The following DRC4 variants were observed in gnomAD, a reference collection of about 807,000 sequenced individuals.
DRC4 encodes dynein regulatory complex subunit 4, also known as GAS-11.
the DRC4 span, chr16:90,044,267 C>G: frequency 2.2e-6 from 1 of 445,242 alleles, no homozygotes; most frequent in Non-Finnish European, 4.5e-6. Context: ...CACCCTTGGC[C>G]CAGCCTCCCC....
chr16:90,037,977 G>A, the DRC4 span: 1 of 815,948 alleles, frequency 1.2e-6, no homozygotes, highest in Non-Finnish European at 2.1e-6. Context: ...GCCAGGGACG[G>A]GGCTCTCCTT....
At chr16:90,023,146 AG>A in the DRC4 span, among the ~76,000 whole-genome samples, 6 of 152,178 alleles carry the variant, frequency 3.9e-5, no homozygotes, top group African/African-American at 1.2e-4. Context: ...AGCCGGAGGC[AG>A]GAATTACCCT....
chr16:90,027,796 G>A, the DRC4 span: 1 of 1,382,148 alleles, frequency 7.2e-7, no homozygotes, highest in Non-Finnish European at 1.0e-6. Context: ...TACGCCGAGT[G>A]TCCATCTTGC....
the DRC4 span, among the ~76,000 whole-genome samples, chr16:90,041,559 A>C: frequency 6.6e-6 from 1 of 152,168 alleles, no homozygotes; most frequent in Non-Finnish European, 1.5e-5. Flanking sequence ...TAATCCCAGC[A>C]CTTTGGGAGG....
chr16:90,042,107 T>A, the DRC4 span, among the ~76,000 whole-genome samples: 1 of 152,050 alleles, frequency 6.6e-6, no homozygotes, highest in African/African-American at 2.4e-5. Context: ...GCCCGGCTAC[T>A]TTTCGTATAG....
the DRC4 span, chr16:90,027,824 C>A: frequency 1.8e-6 from 2 of 1,108,930 alleles, no homozygotes; most frequent in Non-Finnish European, 2.7e-6. Context: ...ATCCACCCTT[C>A]TGTCCAAGCC....
At chr16:90,027,707 C>G in the DRC4 span, 1 of 1,612,860 alleles carries the variant, frequency 6.2e-7, no homozygotes, top group African/African-American at 1.3e-5. Flanking sequence ...CTCCAGAGGA[C>G]ATGAGCAAGG....
the DRC4 span, chr16:90,036,604 G>T: frequency 6.4e-7 from 1 of 1,555,786 alleles, no homozygotes; most frequent in Non-Finnish European, 8.7e-7. Context: ...GCGTGGGCTG[G>T]GCTGGGGAGG....
the DRC4 span, chr16:90,044,156 G>A: frequency 7.9e-5 from 36 of 455,090 alleles, no homozygotes; most frequent in Non-Finnish European, 1.3e-4. Flanking sequence ...TAAGTCAGGC[G>A]CTTCTGCGGC....
chr16:90,043,322 G>A, the DRC4 span: 1 of 1,608,728 alleles, frequency 6.2e-7, no homozygotes, highest in South Asian at 1.1e-5. Context: ...GGGCCCCGCG[G>A]GACTGGTGGG....
At chr16:90,027,615 AC>A in the DRC4 span, 2 of 1,611,518 alleles carry the variant, frequency 1.2e-6, no homozygotes, top group South Asian at 2.2e-5. Flanking sequence ...AGTCTCTCTT[AC>A]CCCATTATTT....
the DRC4 span, among the ~76,000 whole-genome samples, chr16:90,034,815 C>T: frequency 1.3e-5 from 2 of 149,460 alleles, no homozygotes; most frequent in Non-Finnish European, 3.0e-5. Flanking sequence ...CCTCGAACTT[C>T]TAGTCTCAAG....
At chr16:90,038,637 C>G in the DRC4 span, among the ~76,000 whole-genome samples, 1 of 152,212 alleles carries the variant, frequency 6.6e-6, no homozygotes, top group Non-Finnish European at 1.5e-5. Context: ...GAGGGCTGCT[C>G]TGAGTCACAC....
the DRC4 span, chr16:90,020,001 AG>A: frequency 1.4e-5 from 10 of 699,996 alleles, no homozygotes; most frequent in African/African-American, 1.8e-4. Flanking sequence ...GAGAGCGCCA[AG>A]GCAGTTTCGA....
At chr16:90,031,561 G>A in the DRC4 span, 40 of 1,475,310 alleles carry the variant, frequency 2.7e-5, no homozygotes, top group Non-Finnish European at 3.6e-5. Flanking sequence ...GCTGGATCCA[G>A]TGAGGGTGCA....
chr16:90,022,161 A>G, the DRC4 span: 1 of 152,280 alleles, frequency 6.6e-6, no homozygotes, highest in Non-Finnish European at 1.5e-5. Context: ...AAACATTTGG[A>G]ACTAAACTGG....
the DRC4 span, chr16:90,032,762 C>G: frequency 6.2e-7 from 1 of 1,613,958 alleles, no homozygotes; most frequent in Non-Finnish European, 8.5e-7. Flanking sequence ...AGCACCAGAA[C>G]AACCTGACAG....
At chr16:90,020,182 A>T in the DRC4 span, 1 of 504,902 alleles carries the variant, frequency 2.0e-6, no homozygotes, top group Non-Finnish European at 3.5e-6. Context: ...TTTATCTCTC[A>T]AAGAAAGTCC....
the DRC4 span, among the ~76,000 whole-genome samples, chr16:90,024,951 G>A: frequency 6.6e-6 from 1 of 151,924 alleles, no homozygotes; most frequent in African/African-American, 2.4e-5. Flanking sequence ...CAAGGAATAT[G>A]GGTGATATTT....
Sources: gnomAD v4.1 joint callset for allele counts (sites outside exome capture counted in the v4.1 genomes callset) on GRCh38, gnomAD v4.1.1 for gene constraint, MANE v1.5 for transcripts, NCBI Gene and HGNC (gene_info 2026-07-23, HGNC 2026-07-21) for gene names.